PCOLCE2: variants seen among roughly 807,000 people sequenced by gnomAD.
PCOLCE2 encodes procollagen C-endopeptidase enhancer 2, also known as procollagen C-proteinase enhancer 2.
Under a neutral mutation model 47.0 loss-of-function variants are expected in PCOLCE2, and 42 were observed. The ratio of observed to expected loss-of-function variants is 0.89; its 90% CI spans 0.70 to 1.16. The LOEUF is 1.16. Among genes scored for constraint, PCOLCE2 ranks in the 50% most tolerant of loss-of-function variants. The probability of loss-of-function intolerance (pLI) is 0.00; values close to 1 mark genes in which losing one functional copy is unlikely to be tolerated. For missense variants in PCOLCE2, 500 were observed against 526.1 expected (o/e 0.95, Z 0.49); for synonymous variants, 169 against 191.7 (o/e 0.88, Z 0.98).
chr3:142,823,022 C>T (rs1443193049), intron 7 of PCOLCE2, among the ~76,000 whole-genome samples: 1 of 152,206 alleles, frequency 6.6e-6, no homozygotes, highest in Non-Finnish European at 1.5e-5. Context: ...CATTAAAGAA[C>T]ACCTCCTCAG....
intron 5 of PCOLCE2, among the ~76,000 whole-genome samples, chr3:142,835,950 G>A (rs2108190876): frequency 6.6e-6 from 1 of 152,272 alleles, no homozygotes; most frequent in East Asian, 1.9e-4. Flanking sequence ...GCTTTGTCAT[G>A]CTTTTGAAAA....
chr3:142,856,514 C>T (rs1399250020), intron 2 of PCOLCE2, among the ~76,000 whole-genome samples: 1 of 152,144 alleles, frequency 6.6e-6, no homozygotes, highest in Non-Finnish European at 1.5e-5. Flanking sequence ...ATCCCAGCTG[C>T]GAACAGGCCC....
At chr3:142,859,085 C>CAA (rs1933128947) in intron 2 of PCOLCE2, among the ~76,000 whole-genome samples, 1 of 149,736 alleles carries the variant, frequency 6.7e-6, no homozygotes, top group Admixed American at 6.7e-5. Context: ...TTTTTAGAGA[C>CAA]AGAGTCTGAC....
chr3:142,837,319 G>C (rs1266145640), intron 5 of PCOLCE2, among the ~76,000 whole-genome samples: 2 of 152,196 alleles, frequency 1.3e-5, no homozygotes, highest in East Asian at 3.8e-4. Flanking sequence ...GTGGCAATTT[G>C]TTACAGCAGC....
In PCOLCE2 at chr3:142,820,997, T is replaced by A; in HGVS notation, c.998A>T (p.His333Leu). The A allele has an allele frequency of 6.2e-7, 1 of 1,613,796 alleles. No individual in the cohort carries two copies. The highest frequency in any genetic ancestry group is 8.5e-7 in the Non-Finnish European group (1 of 1,179,758). ...ITTITRDGSLHATVSIINIYK... is the reference protein window; with the variant it reads ...ITTITRDGSLLATVSIINIYK... ...GATGTTGATGATCGAGACTGTGGCG[T>A]GCAAACTCCCATCGCGAGTGATGGT... The change falls in exon 8 of 9, where the codon CAC becomes CTC. Residue 333 changes from histidine (H) to leucine (L), a missense_variant. Coordinates refer to ENST00000295992, the MANE Select transcript of PCOLCE2 (RefSeq NM_013363.4).
At chr3:142,869,014 G>A (rs900511837) in intron 2 of PCOLCE2, among the ~76,000 whole-genome samples, 38 of 150,292 alleles carry the variant, frequency 2.5e-4, no homozygotes, top group South Asian at 8.4e-4. Flanking sequence ...GACCTTGGCC[G>A]GGTGCGGTGG....
chr3:142,828,098 T>G (rs1937106498), intron 6 of PCOLCE2, among the ~76,000 whole-genome samples: 1 of 152,192 alleles, frequency 6.6e-6, no homozygotes, highest in South Asian at 2.1e-4. Flanking sequence ...CTACAATTCA[T>G]TCACCTGACA....
intron 6 of PCOLCE2, among the ~76,000 whole-genome samples, chr3:142,826,059 C>T (rs1054515950): frequency 9.2e-5 from 14 of 151,782 alleles, no homozygotes; most frequent in African/African-American, 3.4e-4. Flanking sequence ...GGCTGGAGTG[C>T]AGTGGCGCGA....
chr3:142,878,355 C>G (rs1933540847), intron 2 of PCOLCE2, among the ~76,000 whole-genome samples: 1 of 152,142 alleles, frequency 6.6e-6, no homozygotes, highest in Non-Finnish European at 1.5e-5. Flanking sequence ...AATAATGTAT[C>G]TGAGAAAAAC....
At chr3:142,850,472 C>A (rs571785293) in intron 2 of PCOLCE2, among the ~76,000 whole-genome samples, 1 of 152,264 alleles carries the variant, frequency 6.6e-6, no homozygotes, top group East Asian at 1.9e-4. Context: ...GTCATCAAGT[C>A]TGTGAAGAGG....
At chr3:142,862,225 T>TC (rs932987746) in intron 2 of PCOLCE2, among the ~76,000 whole-genome samples, 3 of 152,148 alleles carry the variant, frequency 2.0e-5, no homozygotes, top group Non-Finnish European at 4.4e-5. Flanking sequence ...CAAACAGAAC[T>TC]CCAACTTCTA....
intron 2 of PCOLCE2, among the ~76,000 whole-genome samples, chr3:142,861,425 C>A (rs1362437023): frequency 2.0e-5 from 3 of 152,124 alleles, no homozygotes; most frequent in Non-Finnish European, 2.9e-5. Flanking sequence ...ATTTTCTTAT[C>A]TTTTCTCTTC....
At chr3:142,821,346 T>TGTCACATA (rs1937011823) in intron 7 of PCOLCE2, among the ~76,000 whole-genome samples, 2 of 152,030 alleles carry the variant, frequency 1.3e-5, no homozygotes, top group African/African-American at 4.8e-5. Flanking sequence ...GTGGCTTGAT[T>TGTCACATA]GTCACATAGG....
At chr3:142,864,864 C>G (rs1348411516) in intron 2 of PCOLCE2, among the ~76,000 whole-genome samples, 2 of 152,176 alleles carry the variant, frequency 1.3e-5, no homozygotes, top group Non-Finnish European at 2.9e-5. Context: ...AATAATATTC[C>G]ATTGTATGAA....
At chr3:142,879,776 T>C (rs754993305) in intron 2 of PCOLCE2, among the ~76,000 whole-genome samples, 5 of 152,022 alleles carry the variant, frequency 3.3e-5, no homozygotes, top group Admixed American at 1.3e-4. Context: ...GAGACCATCC[T>C]GGCTAACACG....
chr3:142,866,968 G>A (rs1933296503), intron 2 of PCOLCE2, among the ~76,000 whole-genome samples: 1 of 152,202 alleles, frequency 6.6e-6, no homozygotes, highest in South Asian at 2.1e-4. Flanking sequence ...ATTGTGGCCA[G>A]ACAGGTAGAA....
chr3:142,823,210 C>G (rs1163896578), intron 7 of PCOLCE2, among the ~76,000 whole-genome samples: 2 of 152,150 alleles, frequency 1.3e-5, no homozygotes, highest in Non-Finnish European at 2.9e-5. Flanking sequence ...TGAAAAAATA[C>G]TCTGTATATG....
At chr3:142,838,376 T>C (rs1352445364) in intron 5 of PCOLCE2, among the ~76,000 whole-genome samples, 11 of 152,106 alleles carry the variant, frequency 7.2e-5, no homozygotes, top group Non-Finnish European at 1.6e-4. Flanking sequence ...TTAAACACCA[T>C]CCACCTTGGC....
At chr3:142,818,651 C>T (rs890632949) in intron 8 of PCOLCE2, among the ~76,000 whole-genome samples, 186 bp from the exon 9 acceptor site, 4 of 152,120 alleles carry the variant, frequency 2.6e-5, no homozygotes, top group Non-Finnish European at 5.9e-5. Context: ...TTGCCATGTT[C>T]CCCAGGCTGG....
Sources: allele counts gnomAD v4.1 joint callset (sites outside exome capture counted in the v4.1 genomes callset), GRCh38; gene constraint gnomAD v4.1.1; transcripts MANE v1.5; gene names NCBI Gene and HGNC (gene_info 2026-07-23, HGNC 2026-07-21).